The following TENM3 variants were observed in gnomAD, a reference collection of about 807,000 sequenced individuals.
TENM3 encodes teneurin-3.
TENM3 carries 63 observed loss-of-function variants against 255.1 expected under a neutral mutation model. The observed-to-expected ratio is 0.25, with a 90% CI of 0.20 to 0.30. The LOEUF (loss-of-function observed/expected upper bound fraction) is 0.30. Among genes scored for constraint, TENM3 ranks in the 10% least tolerant of loss-of-function variants. The pLI, the probability that TENM3 is intolerant of heterozygous loss-of-function variation, is 1.00. For synonymous variants in TENM3, 1,306 were observed against 1,322.3 expected (o/e 0.99, Z 0.27); for missense variants, 2,929 against 3,461.1 (o/e 0.85, Z 3.86).
intron 3 of TENM3, among the ~76,000 whole-genome samples, chr4:182,499,779 A>G (rs1488110599): frequency 6.6e-6 from 1 of 152,232 alleles, no homozygotes; most frequent in East Asian, 1.9e-4. Context: ...TGAAAATTGA[A>G]TAAACCCAAC....
intron 1 of TENM3, among the ~76,000 whole-genome samples, chr4:182,199,558 TG>T (rs1754048829): frequency 6.6e-6 from 1 of 152,082 alleles, no homozygotes; most frequent in Admixed American, 6.6e-5. Flanking sequence ...AATCGACCCA[TG>T]AAAAAGTGTG....
rs58332965 is a variant in TENM3 at position 182,603,784 on chromosome 4, T to TATATATATATATATATATACAC, written c.749+2624_749+2625insTATATATATATATATATACACA. On this transcript the variant is annotated intron_variant, in intron 4 of 27. Coordinates refer to ENST00000511685, the MANE Select transcript of TENM3 (RefSeq NM_001080477.4). ...AATTATTTATATATATATATATATA[T>TATATATATATATATATATACAC]ACACACACACACCGATTTTGCTAAT... 2.5e-4 allele frequency among the ~76,000 whole-genome samples: 33 copies of TATATATATATATATATATACAC among 134,190 alleles called. 1 individual carries two copies. The highest frequency in any genetic ancestry group is 1.3e-3 in the South Asian group (5 of 3,860). 88.0% of individuals were successfully genotyped at this position (134,190 alleles called of 152,430 possible).
chr4:182,343,783 G>A (rs371173041), intron 2 of TENM3, among the ~76,000 whole-genome samples: 9 of 152,064 alleles, frequency 5.9e-5, no homozygotes, highest in Non-Finnish European at 1.3e-4. Flanking sequence ...AGAAATAATC[G>A]AATAGACTAA....
intron 3 of TENM3, among the ~76,000 whole-genome samples, chr4:182,410,318 C>T (rs886075111): frequency 4.6e-5 from 7 of 152,202 alleles, no homozygotes; most frequent in South Asian, 2.1e-4. Flanking sequence ...CTGAAAATGG[C>T]GCAGCACATT....
At chr4:181,769,039 C>T in the TENM3 span, among the ~76,000 whole-genome samples, 1 of 152,128 alleles carries the variant, frequency 6.6e-6, no homozygotes, top group African/African-American at 2.4e-5. Flanking sequence ...GCAGGGAGCG[C>T]TTATCTGAGC....
At chr4:181,529,091 CTG>C in the TENM3 span, among the ~76,000 whole-genome samples, 1 of 152,148 alleles carries the variant, frequency 6.6e-6, no homozygotes, top group Admixed American at 6.5e-5. Flanking sequence ...GGTGAAAAAA[CTG>C]AGGCTCAAAA....
intron 3 of TENM3, among the ~76,000 whole-genome samples, chr4:182,439,391 G>C (rs746274912): frequency 3.3e-5 from 5 of 152,192 alleles, no homozygotes; most frequent in Admixed American, 6.5e-5. Flanking sequence ...AACCAAGACA[G>C]ACCCTAGGTA....
At chr4:181,641,694 G>A in the TENM3 span, among the ~76,000 whole-genome samples, 874 of 48,778 alleles carry the variant, frequency 0.018, 18 homozygotes, top group African/African-American at 0.051. Context: ...TATATATAAT[G>A]TATAATATAT....
chr4:181,896,158 C>T, the TENM3 span, among the ~76,000 whole-genome samples: 1 of 152,146 alleles, frequency 6.6e-6, no homozygotes, highest in Non-Finnish European at 1.5e-5. Context: ...TGGAAGAGAG[C>T]AGGCCCTGGG....
chr4:181,530,752 T>C, the TENM3 span, among the ~76,000 whole-genome samples: 2 of 152,212 alleles, frequency 1.3e-5, no homozygotes, highest in Non-Finnish European at 2.9e-5. Flanking sequence ...AACAAAGATA[T>C]TGCCTCTTTA....
chr4:182,335,212 A>AAG (rs1764026220), intron 2 of TENM3, among the ~76,000 whole-genome samples: 8 of 147,570 alleles, frequency 5.4e-5, no homozygotes, highest in Non-Finnish European at 1.2e-4. Context: ...ACAAGAAGAC[A>AAG]AAGCGGCCGG....
intron 3 of TENM3, among the ~76,000 whole-genome samples, chr4:182,565,224 T>C (rs2151990026): frequency 6.6e-6 from 1 of 152,338 alleles, no homozygotes; most frequent in East Asian, 1.9e-4. Flanking sequence ...TTTTTGCTTA[T>C]TTATCCTGCC....
intron 1 of TENM3, among the ~76,000 whole-genome samples, chr4:182,271,290 A>G (rs1759605236): frequency 6.6e-6 from 1 of 152,156 alleles, no homozygotes; most frequent in African/African-American, 2.4e-5. Context: ...AGTGCGGCTG[A>G]AAAGACCTTT....
the TENM3 span, among the ~76,000 whole-genome samples, chr4:182,101,970 C>A: frequency 6.6e-6 from 1 of 152,214 alleles, no homozygotes; most frequent in African/African-American, 2.4e-5. Context: ...CTTAACTCTG[C>A]AGCCTAAGCA....
At chr4:181,482,989 A>G in the TENM3 span, among the ~76,000 whole-genome samples, 2 of 152,146 alleles carry the variant, frequency 1.3e-5, no homozygotes, top group Admixed American at 6.6e-5. Flanking sequence ...ACAAAAAATA[A>G]GTGACACCAT....
At chr4:181,483,765 C>T in the TENM3 span, among the ~76,000 whole-genome samples, 1 of 152,118 alleles carries the variant, frequency 6.6e-6, no homozygotes. Flanking sequence ...TGTGACTCAT[C>T]TTATTCTAAA....
chr4:182,383,405 A>T (rs1369789065), intron 3 of TENM3, among the ~76,000 whole-genome samples: 1 of 152,152 alleles, frequency 6.6e-6, no homozygotes, highest in Non-Finnish European at 1.5e-5. Context: ...GCCTGACTCA[A>T]GTGGAGTCAA....
the TENM3 span, among the ~76,000 whole-genome samples, chr4:182,063,837 T>C: frequency 4.6e-5 from 7 of 152,146 alleles, no homozygotes; most frequent in Admixed American, 2.6e-4. Flanking sequence ...TGCTCTCCTA[T>C]GTGAATTCAA....
the TENM3 span, among the ~76,000 whole-genome samples, chr4:181,618,497 G>T: frequency 1.3e-5 from 2 of 152,230 alleles, no homozygotes; most frequent in African/African-American, 4.8e-5. Context: ...AATGTCTGCA[G>T]TGTGGGAGTC....
Sources: allele counts gnomAD v4.1 joint callset (sites outside exome capture counted in the v4.1 genomes callset), GRCh38; gene constraint gnomAD v4.1.1; transcripts MANE v1.5; gene names NCBI Gene and HGNC (gene_info 2026-07-23, HGNC 2026-07-21).